Variants in PAK5 observed in about 807,000 individuals in gnomAD.
PAK5 encodes the protein serine/threonine-protein kinase PAK 5.
PAK5 carries 16 observed loss-of-function variants against 65.9 expected under a neutral mutation model. The ratio of observed to expected loss-of-function variants is 0.24; its 90% confidence interval spans 0.16 to 0.37. The LOEUF (loss-of-function observed/expected upper bound fraction) is 0.37, where lower values mean the gene tolerates loss of function less well. Ranked by LOEUF, PAK5 falls within the 10% of genes least tolerant of loss-of-function variation. The pLI is 1.00. For missense variants in PAK5, 785 were observed against 903.9 expected (o/e 0.87, Z 1.69); for synonymous variants, 371 against 354.9 (o/e 1.05, Z -0.51).
chr20:9,733,476 G>A lies in PAK5; in HGVS notation c.-161-22041C>T, dbSNP rs917219486. ...TCTTTCTATCTTTTGACAGAGTCTT[G>A]CTCTGTCACCTAGCCTGGAGTGCAG... On this transcript the variant is annotated intron_variant, in intron 1 of 9. Coordinates refer to ENST00000353224, the MANE Select transcript of PAK5 (RefSeq NM_177990.4). Among the ~76,000 whole-genome samples, 3 of 147,920 alleles carry A rather than the reference G, an allele frequency of 2.0e-5. No individual in the cohort carries two copies. The Admixed American group carries it at 2.0e-4, about 10-fold the overall frequency.
intron 1 of PAK5, among the ~76,000 whole-genome samples, chr20:9,780,055 A>T (rs565853684): frequency 6.6e-6 from 1 of 152,088 alleles, no homozygotes; most frequent in Non-Finnish European, 1.5e-5. Context: ...TATTGACATC[A>T]CCAGACACAT....
At chr20:9,825,378 G>T (rs1490663360) in intron 1 of PAK5, among the ~76,000 whole-genome samples, 2 of 152,102 alleles carry the variant, frequency 1.3e-5, no homozygotes, top group East Asian at 3.8e-4. Flanking sequence ...TTCCAATATT[G>T]ATTTTGAGAT....
chr20:9,654,947 A>C (rs761999654), intron 2 of PAK5, among the ~76,000 whole-genome samples: 16 of 152,186 alleles, frequency 1.1e-4, no homozygotes, highest in Non-Finnish European at 1.8e-4. Flanking sequence ...TTGTTCCCAC[A>C]GTTCCTTGTC....
At chr20:9,763,093 C>T (rs2048718360) in intron 1 of PAK5, among the ~76,000 whole-genome samples, 1 of 151,982 alleles carries the variant, frequency 6.6e-6, no homozygotes, top group Admixed American at 6.6e-5. Flanking sequence ...AGGTAGAATG[C>T]TGATTGCCTG....
At chr20:9,761,708 T>C (rs1047175306) in intron 1 of PAK5, among the ~76,000 whole-genome samples, 1 of 152,172 alleles carries the variant, frequency 6.6e-6, no homozygotes, top group African/African-American at 2.4e-5. Flanking sequence ...CATAAGTGGG[T>C]AACTATGTGA....
chr20:9,664,485 C>A (rs73240989), intron 2 of PAK5, among the ~76,000 whole-genome samples: 11,880 of 152,196 alleles, frequency 0.078, 563 homozygotes, highest in African/African-American at 0.12. Flanking sequence ...AAATGGCTGA[C>A]AAACTGCAAT....
At chr20:9,683,318 G>A (rs1458302647) in intron 2 of PAK5, among the ~76,000 whole-genome samples, 1 of 152,184 alleles carries the variant, frequency 6.6e-6, no homozygotes, top group Non-Finnish European at 1.5e-5. Context: ...TGGGAATGAA[G>A]TTTCTACACA....
At chr20:9,548,355 C>T (rs1033841950) in intron 7 of PAK5, among the ~76,000 whole-genome samples, 3 of 151,270 alleles carry the variant, frequency 2.0e-5, no homozygotes, top group Non-Finnish European at 4.4e-5. Flanking sequence ...CAGGAGCCCA[C>T]GTTGATCACT....
rs1191606328 is a variant in PAK5 at position 9,838,832 on chromosome 20, A to C, written c.-232T>G. On this transcript the variant is annotated 5_prime_UTR_variant, in exon 1 of 10. An upstream start codon of the reference 5' UTR is lost. Coordinates refer to ENST00000353224, the MANE Select transcript of PAK5 (RefSeq NM_177990.4). The surrounding 1 kb of genome is among the most constrained non-coding windows in gnomAD (Gnocchi z 4.5). ...CAGCTGCTACAGCGCTCCCAGCGCC[A>C]TGTTCCCGGTCTCCCCGGGCGCACG... 1 of 145,346 alleles carries C rather than the reference A, an allele frequency of 6.9e-6. No homozygotes were observed. The highest frequency in any genetic ancestry group is 2.5e-5 in the African/African-American group (1 of 40,216). 9.0% of individuals were successfully genotyped at this position (145,346 alleles called of 1,614,324 possible).
intron 4 of PAK5, among the ~76,000 whole-genome samples, chr20:9,574,069 G>C (rs939639160): frequency 6.6e-6 from 1 of 152,188 alleles, no homozygotes; most frequent in Admixed American, 6.5e-5. Context: ...ACAGGACCAG[G>C]CTTGGCTTTG....
rs1010058989 is a variant in PAK5 at position 9,557,789 on chromosome 20, T to C, written c.1617-55A>G. 40 of 1,484,732 alleles carry C rather than the reference T, an allele frequency of 2.7e-5. No homozygotes were observed. The African/African-American group carries it at 5.0e-4, about 19-fold the overall frequency. 92.0% of individuals were successfully genotyped at this position (1,484,732 alleles called of 1,614,324 possible). ...GACAGGTTTAAGAACATCTTTGAAA[T>C]GCTCAAGAGAGGCAGCTCCCTTGTG... On this transcript the variant is annotated intron_variant, in intron 6 of 9. Transcript: ENST00000353224.
At chr20:9,618,546 G>T (rs566045781) in intron 3 of PAK5, among the ~76,000 whole-genome samples, 6 of 151,106 alleles carry the variant, frequency 4.0e-5, no homozygotes, top group Non-Finnish European at 8.8e-5. Context: ...AGCTGAGATT[G>T]CAGGCATGTG....
chr20:9,795,923 T>G (rs976482791), intron 1 of PAK5, among the ~76,000 whole-genome samples: 57 of 152,230 alleles, frequency 3.7e-4, no homozygotes, highest in African/African-American at 1.3e-3. Flanking sequence ...TTCCACTTAA[T>G]ATTTATTAAA....
intron 3 of PAK5, among the ~76,000 whole-genome samples, chr20:9,603,463 C>T (rs1339960705): frequency 6.6e-6 from 1 of 152,176 alleles, no homozygotes; most frequent in Non-Finnish European, 1.5e-5. Flanking sequence ...ATCAGCTCCT[C>T]CTGGCACCCA....
rs199727424 is a variant in PAK5 at position 9,763,547 on chromosome 20, AC to A, written c.-161-52113del. 4.6e-3 allele frequency among the ~76,000 whole-genome samples: 697 copies of A among 151,206 alleles called. 7 individuals are homozygous for A. The highest frequency in any genetic ancestry group is 0.016 in the African/African-American group (653 of 40,556). On this transcript the variant is annotated intron_variant, in intron 1 of 9. Transcript: ENST00000353224. ...TAAATGAAAAACAAAACAAAAAAAA[AC>A]AATCTTGAAGCCCAACTCTCATCTG... is the stretch of plus-strand genomic sequence containing the variant.
intron 2 of PAK5, among the ~76,000 whole-genome samples, chr20:9,696,215 T>C (rs920905044): frequency 6.6e-6 from 1 of 152,052 alleles, no homozygotes; most frequent in Non-Finnish European, 1.5e-5. Flanking sequence ...CAGCCACATA[T>C]TGAAAGAAGA....
At chr20:9,783,425 C>G (rs1284692540) in intron 1 of PAK5, among the ~76,000 whole-genome samples, 1 of 152,106 alleles carries the variant, frequency 6.6e-6, no homozygotes, top group Non-Finnish European at 1.5e-5. Flanking sequence ...ATTTGAACAC[C>G]AGATTCTTTT....
rs182738875 is a variant in PAK5 at position 9,823,044 on chromosome 20, T to G, written c.-162+15718A>C. 4.1e-3 allele frequency among the ~76,000 whole-genome samples: 628 copies of G among 152,334 alleles called. 3 individuals carry two copies. Among genetic ancestry groups the G allele is most frequent in the Non-Finnish European group, 6.0e-3 (409 of 68,030 alleles). Reference sequence around the variant, plus strand: ...CTGAAGGTAAAAATACTAAGAGTCTTTAGCAGGTGATCAGGCCATCAGAGC... The same window carrying G: ...CTGAAGGTAAAAATACTAAGAGTCTGTAGCAGGTGATCAGGCCATCAGAGC... On this transcript the variant is annotated intron_variant, in intron 1 of 9. Transcript: ENST00000353224.
intron 2 of PAK5, among the ~76,000 whole-genome samples, chr20:9,653,720 C>G (rs892576699): frequency 3.3e-5 from 5 of 152,182 alleles, no homozygotes; most frequent in African/African-American, 9.7e-5. Flanking sequence ...ACAAACTTAG[C>G]AGCTTAGATA....
Sources: gnomAD v4.1 joint callset for allele counts (sites outside exome capture counted in the v4.1 genomes callset) on GRCh38, gnomAD v4.1.1 for gene constraint, Gnocchi (gnomAD v3.1) non-coding constraint, MANE v1.5 for transcripts, NCBI Gene and HGNC (gene_info 2026-07-23, HGNC 2026-07-21) for gene names.